The following DIAPH3 variants were observed in gnomAD, a reference collection of about 807,000 sequenced individuals.
DIAPH3 encodes the protein diaphanous related formin 3.
A neutral mutation model predicts 144.3 loss-of-function variants in DIAPH3; 117 were observed. The ratio of observed to expected loss-of-function variants is 0.81; its 90% CI spans 0.70 to 0.95. The LOEUF is 0.95. Ranked by LOEUF, DIAPH3 falls within the 40% of genes least tolerant of loss-of-function variation. The pLI is 0.00. For synonymous variants in DIAPH3, 519 were observed against 488.9 expected, an observed-to-expected ratio of 1.06 and a Z score of -0.81; for missense variants, 1,421 against 1,412.7, an observed-to-expected ratio of 1.01 and a Z score of -0.09.
In DIAPH3 at chr13:59,992,060, A is replaced by T; in HGVS notation, c.1244+8T>A. 6.2e-7 allele frequency: 1 copy of T among 1,601,202 alleles called. No individual in the cohort carries two copies. Among genetic ancestry groups the T allele is most frequent in the Non-Finnish European group, 8.6e-7 (1 of 1,169,046 alleles). ...ATGATTTGACTAGACTTCAGAACAA[A>T]AGGATATTCAAGTTCAGCTCTAATA... On this transcript the variant is annotated splice_region_variant and intron_variant, in intron 11 of 27. Transcript: ENST00000400324.
At chr13:59,919,780 G>A (rs1367613905) in intron 18 of DIAPH3, among the ~76,000 whole-genome samples, 1 of 151,934 alleles carries the variant, frequency 6.6e-6, no homozygotes, top group East Asian at 1.9e-4. Context: ...TGTAATAGTG[G>A]TATGTAAATC....
intron 25 of DIAPH3, among the ~76,000 whole-genome samples, chr13:59,786,055 G>A (rs2039015903): frequency 6.6e-6 from 1 of 152,150 alleles, no homozygotes. Context: ...GGCAGAGGTT[G>A]CAGTGAGCTG....
At chr13:59,853,540 G>A (rs1179132138) in intron 22 of DIAPH3, among the ~76,000 whole-genome samples, 1 of 152,094 alleles carries the variant, frequency 6.6e-6, no homozygotes, top group Non-Finnish European at 1.5e-5. Context: ...CATGTAAGAT[G>A]TGCGTGCTGC....
At chr13:59,950,233 CTTCCAGTGACATTGTCCCATA>C (rs2049030332) in intron 17 of DIAPH3, among the ~76,000 whole-genome samples, 1 of 152,132 alleles carries the variant, frequency 6.6e-6, no homozygotes, top group African/African-American at 2.4e-5. Context: ...CTAGGTTCAT[CTTCCAGTGACATTGTCCCATA>C]TATATCTTCT....
chr13:60,007,061 T>A lies in DIAPH3; in HGVS notation c.1014+1483A>T, dbSNP rs558740288. Among the ~76,000 whole-genome samples the A allele has an allele frequency of 2.0e-5, 3 of 152,256 alleles. No homozygotes were observed. The South Asian group carries it at 6.2e-4, about 32-fold the overall frequency. On this transcript the variant is annotated intron_variant, in intron 9 of 27. Transcript: ENST00000400324. ...AGCTCCTATCATATTCTCATTTTTT[T>A]TTTTTCTTGAGTCAGAGTCTCGCTC...
chr13:59,770,622 G>A (rs2038074050), intron 27 of DIAPH3, among the ~76,000 whole-genome samples: 2 of 152,066 alleles, frequency 1.3e-5, no homozygotes, highest in Non-Finnish European at 1.5e-5. Context: ...TCTTGCCCTT[G>A]GGTTTTGGCC....
intron 15 of DIAPH3, among the ~76,000 whole-genome samples, chr13:59,972,510 T>C (rs2050445027): frequency 6.6e-6 from 1 of 152,118 alleles, no homozygotes; most frequent in Admixed American, 6.6e-5. Flanking sequence ...AGACCATGTA[T>C]AAAAGCTCGA....
intron 1 of DIAPH3, among the ~76,000 whole-genome samples, chr13:60,161,069 C>T (rs1952268213): frequency 6.6e-6 from 1 of 152,200 alleles, no homozygotes; most frequent in Non-Finnish European, 1.5e-5. Flanking sequence ...CAGTCTACCA[C>T]TCCATTCTAC....
At chr13:59,734,757 C>T (rs973446388) in intron 27 of DIAPH3, among the ~76,000 whole-genome samples, 9 of 152,154 alleles carry the variant, frequency 5.9e-5, no homozygotes, top group Non-Finnish European at 1.2e-4. Context: ...AAGGTGCAGG[C>T]GGCTCTCTTC....
intron 2 of DIAPH3, among the ~76,000 whole-genome samples, chr13:60,122,619 T>C (rs1051634949): frequency 6.6e-6 from 1 of 152,136 alleles, no homozygotes; most frequent in Admixed American, 6.5e-5. Context: ...CCATGCTAAA[T>C]TTTTCTCAAC....
chr13:59,973,921 GA>G (rs1194671266), intron 15 of DIAPH3, among the ~76,000 whole-genome samples: 1 of 152,000 alleles, frequency 6.6e-6, no homozygotes, highest in Non-Finnish European at 1.5e-5. Flanking sequence ...TTTGGAAATT[GA>G]AAAATTATCA....
At position 60,080,922 on chromosome 13, in the gene DIAPH3, T is replaced by C. The variant is rs145309607; in HGVS notation, c.495+12706A>G. Among the ~76,000 whole-genome samples, 7 of 152,082 alleles carry C rather than the reference T, an allele frequency of 4.6e-5. No individual in the cohort carries two copies. In the East Asian group the frequency reaches 1.4e-3, roughly 29 times the overall value. ...AACTCTTAGATGCCTATGAACTCAA[T>C]TTACATGGAGTACATCACTATGCTT... On this transcript the variant is annotated intron_variant, in intron 4 of 27. Transcript: ENST00000400324.
chr13:60,083,825 G>T (rs926425584), intron 4 of DIAPH3, among the ~76,000 whole-genome samples: 21 of 152,024 alleles, frequency 1.4e-4, no homozygotes, highest in African/African-American at 4.8e-4. Flanking sequence ...GATCACTTGA[G>T]CCCAGGAGTT....
chr13:59,858,051 A>G (rs1183698957), intron 22 of DIAPH3, among the ~76,000 whole-genome samples: 2 of 152,278 alleles, frequency 1.3e-5, no homozygotes, highest in Non-Finnish European at 1.5e-5. Flanking sequence ...ATGCTATGGA[A>G]ATAGCAAAAG....
At chr13:59,902,767 C>T (rs1369589130) in intron 20 of DIAPH3, among the ~76,000 whole-genome samples, 1 of 152,122 alleles carries the variant, frequency 6.6e-6, no homozygotes, top group Non-Finnish European at 1.5e-5. Context: ...TGAAGTGAAA[C>T]TGTCTCCAAA....
chr13:60,008,908 T>G lies in DIAPH3; in HGVS notation c.909-259A>C, dbSNP rs78774303. ...CACATCAGGCACCATTTAAGCCACT[T>G]TACAAACATCAACTCATTTTAAAGT... is the stretch of plus-strand genomic sequence containing the variant. On this transcript the variant is annotated intron_variant, in intron 8 of 27. Coordinates refer to ENST00000400324, the MANE Select transcript of DIAPH3 (RefSeq NM_001042517.2). 7.5e-4 allele frequency among the ~76,000 whole-genome samples: 114 copies of G among 152,318 alleles called. 1 individual carries two copies. In the East Asian group the frequency reaches 9.3e-3, roughly 12 times the overall value.
At chr13:59,775,433 G>T (rs184535961) in intron 25 of DIAPH3, among the ~76,000 whole-genome samples, 41 of 152,030 alleles carry the variant, frequency 2.7e-4, no homozygotes, top group African/African-American at 8.9e-4. Flanking sequence ...TAGTAGAGAT[G>T]GGCTTTCACC....
intron 9 of DIAPH3, among the ~76,000 whole-genome samples, chr13:60,006,309 C>G (rs1007512716): frequency 6.6e-6 from 1 of 152,070 alleles, no homozygotes; most frequent in Non-Finnish European, 1.5e-5. Context: ...CTTTAACAAG[C>G]CATTATTTAT....
At chr13:59,780,614 T>C (rs1593834400) in intron 25 of DIAPH3, among the ~76,000 whole-genome samples, 1 of 152,080 alleles carries the variant, frequency 6.6e-6, no homozygotes, top group Non-Finnish European at 1.5e-5. Flanking sequence ...TTTTAAAAAA[T>C]TGCACTGTGT....
Sources: gnomAD v4.1 joint callset for allele counts (sites outside exome capture counted in the v4.1 genomes callset) on GRCh38, gnomAD v4.1.1 for gene constraint, MANE v1.5 for transcripts, NCBI Gene and HGNC (gene_info 2026-07-23, HGNC 2026-07-21) for gene names.